The following NPEPPS variants were observed in gnomAD, a reference collection of about 807,000 sequenced individuals.
The protein encoded by NPEPPS is aminopeptidase puromycin sensitive.
A neutral mutation model predicts 115.5 loss-of-function variants in NPEPPS; 14 were observed. The observed-to-expected ratio is 0.12, with a 90% CI of 0.08 to 0.19. NPEPPS has a LOEUF of 0.19. NPEPPS is among the 10% of genes least tolerant of loss of function. NPEPPS has a pLI of 1.00. For synonymous variants in NPEPPS, 285 were observed against 390.6 expected (o/e 0.73, Z 3.19); for missense variants, 523 against 1,110.8 (o/e 0.47, Z 7.52).
chr17:47,594,104 G>T (rs1038462581), intron 12 of NPEPPS, among the ~76,000 whole-genome samples: 9 of 151,852 alleles, frequency 5.9e-5, no homozygotes, highest in African/African-American at 2.2e-4. Flanking sequence ...GCAGTGAGCT[G>T]TGATTGGGCC....
intron 2 of NPEPPS, chr17:47,559,663 C>G (rs1910301159): frequency 4.4e-6 from 2 of 455,352 alleles, no homozygotes; most frequent in South Asian, 1.6e-5. Flanking sequence ...TTGTGGACTG[C>G]TTTTCTTCTT....
chr17:47,569,119 A>C (rs1911033134), intron 2 of NPEPPS, among the ~76,000 whole-genome samples: 1 of 152,102 alleles, frequency 6.6e-6, no homozygotes, highest in African/African-American at 2.4e-5. Context: ...TCACAATATC[A>C]TAGTCACACA....
chr17:47,583,010 C>CTTTTT (rs745447996), intron 5 of NPEPPS, among the ~76,000 whole-genome samples, 161 bp downstream of exon 5: 5 of 135,144 alleles, frequency 3.7e-5, no homozygotes, highest in African/African-American at 8.1e-5. Context: ...CTTTTTCTTT[C>CTTTTT]TTTTTTTTTT....
intron 2 of NPEPPS, among the ~76,000 whole-genome samples, chr17:47,560,003 A>C (rs539287373): frequency 1.2e-4 from 19 of 152,264 alleles, no homozygotes; most frequent in Non-Finnish European, 2.4e-4. Context: ...TAGATCAGCA[A>C]ATGACCCCAG....
intron 4 of NPEPPS, chr17:47,580,666 AC>A (rs1241361537): frequency 6.6e-6 from 1 of 151,642 alleles, no homozygotes; most frequent in Admixed American, 6.6e-5. Context: ...GTGAGACAAA[AC>A]AAGGGATCCA....
chr17:47,549,890 T>A (rs528749174), intron 2 of NPEPPS, among the ~76,000 whole-genome samples: 1 of 149,034 alleles, frequency 6.7e-6, no homozygotes. Flanking sequence ...AAAAGTAAAA[T>A]CAGAAAATTA....
chr17:47,536,132 G>A (rs1053363362), intron 1 of NPEPPS, among the ~76,000 whole-genome samples: 15 of 152,014 alleles, frequency 9.9e-5, no homozygotes, highest in African/African-American at 3.6e-4. Flanking sequence ...ACCGTGCCCA[G>A]CTGGGCTTTC....
chr17:47,590,070 C>T (rs111396791), intron 9 of NPEPPS, among the ~76,000 whole-genome samples: 25 of 152,018 alleles, frequency 1.6e-4, no homozygotes, highest in Admixed American at 4.6e-4. Flanking sequence ...CTGGCTTACG[C>T]GTGTAATCCC....
At chr17:47,541,459 C>T (rs1908759405) in intron 1 of NPEPPS, among the ~76,000 whole-genome samples, 1 of 151,942 alleles carries the variant, frequency 6.6e-6, no homozygotes, top group African/African-American at 2.4e-5. Context: ...TCACTGCAAC[C>T]TCCGCCTCCT....
At chr17:47,558,586 C>A (rs1487215265) in intron 2 of NPEPPS, among the ~76,000 whole-genome samples, 1 of 151,906 alleles carries the variant, frequency 6.6e-6, no homozygotes, top group Non-Finnish European at 1.5e-5. Context: ...CCTGCTACCA[C>A]GCCTGGCTAA....
intron 11 of NPEPPS, among the ~76,000 whole-genome samples, 191 bp downstream of exon 11, chr17:47,592,251 G>T (rs1035825522): frequency 9.2e-5 from 14 of 151,946 alleles, no homozygotes; most frequent in Non-Finnish European, 1.8e-4. Context: ...TGAGTGATGT[G>T]CAGGTGTGTT....
intron 3 of NPEPPS, among the ~76,000 whole-genome samples, chr17:47,569,836 C>A (rs1911089311): frequency 6.6e-6 from 1 of 152,132 alleles, no homozygotes; most frequent in Non-Finnish European, 1.5e-5. Flanking sequence ...CCAGGCTGGT[C>A]TTGAACTCCT....
intron 1 of NPEPPS, among the ~76,000 whole-genome samples, chr17:47,544,891 G>C (rs1355715667): frequency 1.9e-4 from 29 of 149,014 alleles, no homozygotes; most frequent in African/African-American, 7.2e-4. Flanking sequence ...TTTTAGTAGA[G>C]ATGGGGTTAC....
Position 47,558,419 on chromosome 17 carries a change from C to T in NPEPPS, c.341-10998C>T, listed in dbSNP as rs140586523. 5.9e-3 allele frequency among the ~76,000 whole-genome samples: 893 copies of T among 150,310 alleles called. 5 individuals are homozygous for T. Among genetic ancestry groups the T allele is most frequent in the African/African-American group, 0.018 (718 of 40,788 alleles). ...GTGGGATTACAGGCCTGAGCCACCA[C>T]ACCTGGCCCATCCCCCACTTTTTTT... On this transcript the variant is annotated intron_variant, in intron 2 of 22. Coordinates refer to ENST00000322157, the MANE Select transcript of NPEPPS (RefSeq NM_006310.4).
intron 2 of NPEPPS, among the ~76,000 whole-genome samples, chr17:47,559,111 G>A (rs1314632519): frequency 2.0e-5 from 3 of 150,878 alleles, no homozygotes; most frequent in Non-Finnish European, 2.9e-5. Flanking sequence ...TGACAGGATC[G>A]CAGCTTACTG....
At chr17:47,526,568 G>A (rs1330297890), upstream of NPEPPS, among the ~76,000 whole-genome samples, 1 of 152,260 alleles carries the variant, frequency 6.6e-6, no homozygotes, top group East Asian at 1.9e-4. Context: ...AGTTCATGGA[G>A]AGCCTTAAAT....
rs538903106 is a variant in NPEPPS at position 47,574,402 on chromosome 17, T to A, written c.418+4908T>A. Reference sequence around the variant, plus strand: ...TATGGTAACCATTTTTCATTAAATTTAAAAAGTTAAACATTCTATATTTAT... The same window carrying A: ...TATGGTAACCATTTTTCATTAAATTAAAAAAGTTAAACATTCTATATTTAT... On this transcript the variant is annotated intron_variant, in intron 3 of 22. Coordinates refer to ENST00000322157, the MANE Select transcript of NPEPPS (RefSeq NM_006310.4). 7.6e-3 allele frequency among the ~76,000 whole-genome samples: 1,154 copies of A among 152,150 alleles called. 7 individuals carry two copies. The highest frequency in any genetic ancestry group is 0.014 in the Middle Eastern group (4 of 294).
chr17:47,617,045 A>G (rs553230611), intron 19 of NPEPPS, among the ~76,000 whole-genome samples: 2 of 152,260 alleles, frequency 1.3e-5, no homozygotes, highest in East Asian at 1.9e-4. Flanking sequence ...TTTTGTTTCT[A>G]TGAAAAGATT....
At chr17:47,581,055 C>T (rs931055916) in intron 4 of NPEPPS, 2 of 152,182 alleles carry the variant, frequency 1.3e-5, no homozygotes, top group Non-Finnish European at 2.9e-5. Flanking sequence ...AAGAGTAGTA[C>T]AATCAGCTTA....
Sources: gnomAD v4.1 joint callset for allele counts (sites outside exome capture counted in the v4.1 genomes callset) on GRCh38, gnomAD v4.1.1 for gene constraint, MANE v1.5 for transcripts, NCBI Gene and HGNC (gene_info 2026-07-23, HGNC 2026-07-21) for gene names.